The following CCDC13 variants were observed in gnomAD, a reference collection of about 807,000 sequenced individuals.
The protein encoded by CCDC13 is coiled-coil domain-containing protein 13.
In CCDC13, 70 loss-of-function variants were observed where a neutral mutation model predicts 87.3. The observed-to-expected ratio is 0.80, with a 90% CI of 0.66 to 0.98. CCDC13 has a LOEUF of 0.98. CCDC13 is among the 50% of genes least tolerant of loss of function. The probability of loss-of-function intolerance (pLI) is 0.00; values close to 1 mark genes in which losing one functional copy is unlikely to be tolerated. For synonymous variants in CCDC13, 317 were observed against 360.3 expected, an observed-to-expected ratio of 0.88 and a Z score of 1.36; for missense variants, 842 against 892.0, an observed-to-expected ratio of 0.94 and a Z score of 0.71.
intron 14 of CCDC13, among the ~76,000 whole-genome samples, chr3:42,711,987 G>A (rs2125868066): frequency 1.3e-5 from 2 of 152,242 alleles, no homozygotes; most frequent in Middle Eastern, 6.8e-3. Context: ...ATATTCCTGA[G>A]AGTCCAAGAG....
At chr3:42,757,992 A>G (rs1434738791) in intron 2 of CCDC13, 133 bp downstream of exon 2, 2 of 685,738 alleles carry the variant, frequency 2.9e-6, no homozygotes, top group Non-Finnish European at 4.9e-6. Context: ...AAATGCAGCT[A>G]TAATTAAGGC....
rs989591815 is a variant in CCDC13 at position 42,706,321 on chromosome 3, G to A, written c.*2659C>T. 6.6e-6 allele frequency: 1 copy of A among 152,270 alleles called. No homozygotes were observed. Among genetic ancestry groups the A allele is most frequent in the African/African-American group, 2.4e-5 (1 of 41,454 alleles). 9.4% of individuals were successfully genotyped at this position (152,270 alleles called of 1,614,324 possible). ...CTGGGGCAGAGGAACTGCTCAACAA[G>A]TTCTGGTTGAACAAATGGAGGGAAC... On this transcript the variant is annotated 3_prime_UTR_variant, in exon 16 of 16. Transcript: ENST00000310232.
intron 13 of CCDC13, among the ~76,000 whole-genome samples, chr3:42,728,512 C>T (rs1379087108): frequency 2.0e-5 from 3 of 150,112 alleles, no homozygotes; most frequent in African/African-American, 4.9e-5. Context: ...TTAGTTAAAA[C>T]GTTTAGTTTT....
intron 13 of CCDC13, chr3:42,713,821 A>G (rs1200996025): frequency 6.6e-6 from 1 of 152,284 alleles, no homozygotes; most frequent in African/African-American, 2.4e-5. Flanking sequence ...GCAGCTTAAA[A>G]CAACACAAAT....
chr3:42,730,143 G>A lies in CCDC13; in HGVS notation c.1718+324C>T, dbSNP rs377190721. On this transcript the variant is annotated intron_variant, in intron 13 of 15. Coordinates refer to ENST00000310232, the MANE Select transcript of CCDC13 (RefSeq NM_144719.4). ...TCCAGCAGCACCAAGCACAGTGCCA[G>A]GCTCATCACAGATTTTAATTATTGA... Among the ~76,000 whole-genome samples the A allele has an allele frequency of 7.9e-5, 12 of 152,274 alleles. No homozygotes were observed. The East Asian group carries it at 1.3e-3, about 17-fold the overall frequency.
intron 3 of CCDC13, among the ~76,000 whole-genome samples, chr3:42,754,003 T>C (rs965042085): frequency 2.0e-5 from 3 of 152,138 alleles, no homozygotes; most frequent in African/African-American, 7.2e-5. Flanking sequence ...GCCCTGACAG[T>C]CCCTTGCCCT....
chr3:42,747,569 G>A (rs1699448013), intron 5 of CCDC13, among the ~76,000 whole-genome samples, 196 bp from the exon 6 acceptor site: 1 of 152,242 alleles, frequency 6.6e-6, no homozygotes, highest in Admixed American at 6.5e-5. Flanking sequence ...GAGGGTGGTG[G>A]AAGGTAAGTC....
intron 13 of CCDC13, among the ~76,000 whole-genome samples, chr3:42,722,791 C>CTTT (rs956889825): frequency 2.5e-4 from 27 of 109,068 alleles, no homozygotes; most frequent in South Asian, 8.5e-4. Context: ...TATTCCTTTA[C>CTTT]TTTTTTTTTT....
intron 1 of CCDC13, chr3:42,770,617 C>G (rs567869672): frequency 1.3e-5 from 2 of 152,262 alleles, no homozygotes; most frequent in East Asian, 1.9e-4. Flanking sequence ...TGCTGAGGTC[C>G]CCTTCCACAC....
chr3:42,714,395 T>C (rs894193255), intron 13 of CCDC13, among the ~76,000 whole-genome samples: 1 of 152,216 alleles, frequency 6.6e-6, no homozygotes, highest in African/African-American at 2.4e-5. Flanking sequence ...TGACGCACAG[T>C]GTCATATGTC....
At position 42,757,612 on chromosome 3, in the gene CCDC13, A is replaced by G. The variant is rs1021062840; in HGVS notation, c.222-398T>C. Among the ~76,000 whole-genome samples, 4 of 152,172 alleles carry G rather than the reference A, an allele frequency of 2.6e-5. No homozygotes were observed. In the East Asian group the frequency reaches 7.7e-4, roughly 29 times the overall value. On this transcript the variant is annotated intron_variant, in intron 2 of 15. Coordinates refer to ENST00000310232, the MANE Select transcript of CCDC13 (RefSeq NM_144719.4). Reference sequence around the variant, plus strand: ...GTACACGTGTAATCCCAGTGACTCTAGAAGCTGAGGTGGAAGGATTGCTTG... The same window carrying G: ...GTACACGTGTAATCCCAGTGACTCTGGAAGCTGAGGTGGAAGGATTGCTTG...
intron 13 of CCDC13, among the ~76,000 whole-genome samples, chr3:42,720,615 A>G (rs1698538213): frequency 6.6e-6 from 1 of 152,266 alleles, no homozygotes; most frequent in Non-Finnish European, 1.5e-5. Context: ...GTGAAAAATT[A>G]TAAGAAGTCA....
At chr3:42,766,419 G>A (rs577601077) in intron 1 of CCDC13, among the ~76,000 whole-genome samples, 2 of 152,038 alleles carry the variant, frequency 1.3e-5, no homozygotes, top group Non-Finnish European at 2.9e-5. Context: ...CAGCCTGACG[G>A]GTTCATCTTG....
At chr3:42,746,975 T>G in intron 6 of CCDC13, 1 of 538,086 alleles carries the variant, frequency 1.9e-6, no homozygotes, top group African/African-American at 1.9e-5. Flanking sequence ...GGGTGGACAG[T>G]GCTGTCCTCC....
intron 13 of CCDC13, among the ~76,000 whole-genome samples, chr3:42,716,872 T>C (rs574598822): frequency 6.6e-6 from 1 of 152,326 alleles, no homozygotes; most frequent in African/African-American, 2.4e-5. Flanking sequence ...TGTACAGCAA[T>C]GTTCTTGTAG....
Position 42,745,905 on chromosome 3 carries a change from G to A in CCDC13, c.825+18C>T, listed in dbSNP as rs1699379616. ...AAATCCTTTGTTCAGGCCAGGAGAA[G>A]TCTGATGACTCACTCACCTTGCTCT... On this transcript the variant is annotated intron_variant, in intron 7 of 15. Coordinates refer to ENST00000310232, the MANE Select transcript of CCDC13 (RefSeq NM_144719.4). 6.3e-7 allele frequency: 1 copy of A among 1,590,772 alleles called. No individual in the cohort carries two copies.
At chr3:42,713,083 C>T in intron 14 of CCDC13, 79 bp downstream of exon 14, 1 of 1,509,770 alleles carries the variant, frequency 6.6e-7, no homozygotes. Context: ...ATGGGCTGAA[C>T]AGTGCAGCTG....
intron 3 of CCDC13, among the ~76,000 whole-genome samples, chr3:42,753,811 G>A (rs1036300823): frequency 3.9e-5 from 6 of 152,210 alleles, no homozygotes; most frequent in African/African-American, 1.2e-4. Flanking sequence ...GGTGGAATGT[G>A]CTTAGAGTAT....
At chr3:42,740,039 C>CG (rs1699164068) in intron 8 of CCDC13, among the ~76,000 whole-genome samples, 1 of 152,132 alleles carries the variant, frequency 6.6e-6, no homozygotes, top group Non-Finnish European at 1.5e-5. Context: ...ACAGCACTAA[C>CG]CCATGACAGC....
Sources: gnomAD v4.1 joint callset for allele counts (sites outside exome capture counted in the v4.1 genomes callset) on GRCh38, gnomAD v4.1.1 for gene constraint, MANE v1.5 for transcripts, NCBI Gene and HGNC (gene_info 2026-07-23, HGNC 2026-07-21) for gene names.